The following LDB2 variants were observed in gnomAD, a reference collection of about 807,000 sequenced individuals.
The protein encoded by LDB2 is LIM domain binding 2, also known as LIM domain-binding protein 2.
Under a neutral mutation model 44.3 loss-of-function variants are expected in LDB2, and 12 were observed. The ratio of observed to expected loss-of-function variants is 0.27; its 90% CI spans 0.17 to 0.44. The LOEUF (loss-of-function observed/expected upper bound fraction) is 0.44, where lower values mean the gene tolerates loss of function less well. Among genes scored for constraint, LDB2 ranks in the 20% least tolerant of loss-of-function variants. The pLI is 1.00. For missense variants in LDB2, 344 were observed against 473.5 expected (o/e 0.73, Z 2.54); for synonymous variants, 164 against 174.8 (o/e 0.94, Z 0.49).
chr4:16,763,122 A>G (rs1192345139), intron 1 of LDB2, among the ~76,000 whole-genome samples: 1 of 134,334 alleles, frequency 7.4e-6, no homozygotes, highest in Non-Finnish European at 1.6e-5. Context: ...CACACACGTA[A>G]TTGGTTTTGG....
intron 1 of LDB2, among the ~76,000 whole-genome samples, chr4:16,871,069 A>G (rs1044097472): frequency 6.6e-6 from 1 of 152,214 alleles, no homozygotes; most frequent in Non-Finnish European, 1.5e-5. Flanking sequence ...ATTTTCAGAA[A>G]TTTTGTGAGA....
intron 2 of LDB2, among the ~76,000 whole-genome samples, chr4:16,599,216 G>C (rs1237748589): frequency 6.6e-6 from 1 of 152,166 alleles, no homozygotes. Context: ...CTGGGCTGAA[G>C]TCAGGTTGTC....
intron 2 of LDB2, among the ~76,000 whole-genome samples, chr4:16,632,204 A>C (rs1423834255): frequency 6.6e-6 from 1 of 152,234 alleles, no homozygotes; most frequent in Non-Finnish European, 1.5e-5. Context: ...GGGAAACTGA[A>C]TCCAGCAGCA....
chr4:16,644,000 G>T (rs1348056015), intron 2 of LDB2, among the ~76,000 whole-genome samples: 1 of 152,138 alleles, frequency 6.6e-6, no homozygotes, highest in African/African-American at 2.4e-5. Context: ...GCTGCTTCTT[G>T]AGTAATTGTT....
chr4:16,854,504 TACACAC>T (rs61445499), intron 1 of LDB2, among the ~76,000 whole-genome samples: 1,758 of 145,256 alleles, frequency 0.012, 26 homozygotes, highest in African/African-American at 0.035. Context: ...TAAATATAAA[TACACAC>T]ACACACACAC....
intron 1 of LDB2, among the ~76,000 whole-genome samples, chr4:16,834,432 C>T (rs1474657490): frequency 1.3e-5 from 2 of 152,136 alleles, no homozygotes; most frequent in African/African-American, 4.8e-5. Context: ...TAGGGGTTGT[C>T]CCCTTTACAT....
intron 1 of LDB2, among the ~76,000 whole-genome samples, chr4:16,875,768 C>T (rs1157536782): frequency 6.6e-6 from 1 of 152,174 alleles, no homozygotes; most frequent in African/African-American, 2.4e-5. Context: ...CAGGGACCAC[C>T]AGCCAAAGGC....
At chr4:16,766,466 ATATGTGTGTGTGTGTG>A (rs200368027) in intron 1 of LDB2, among the ~76,000 whole-genome samples, 15 of 61,202 alleles carry the variant, frequency 2.5e-4, no homozygotes, top group South Asian at 1.2e-3. Flanking sequence ...ACACACACAT[ATATGTGTGTGTGTGTG>A]TGTGTGTGTG....
chr4:16,771,960 G>C (rs1227027783), intron 1 of LDB2, among the ~76,000 whole-genome samples: 1 of 152,146 alleles, frequency 6.6e-6, no homozygotes, highest in Non-Finnish European at 1.5e-5. Flanking sequence ...TCACTCTCCT[G>C]TGTGGATGGG....
At chr4:16,685,911 G>A (rs1206868656) in intron 2 of LDB2, among the ~76,000 whole-genome samples, 2 of 152,112 alleles carry the variant, frequency 1.3e-5, no homozygotes, top group Admixed American at 6.6e-5. Context: ...AAGTAGTTGG[G>A]CATGGTGGTG....
At chr4:16,631,250 C>T (rs931074449) in intron 2 of LDB2, among the ~76,000 whole-genome samples, 9 of 152,196 alleles carry the variant, frequency 5.9e-5, no homozygotes, top group African/African-American at 2.2e-4. Context: ...GACCACAGTG[C>T]AATCAAAGTA....
chr4:16,651,641 C>T (rs1224782619), intron 2 of LDB2, among the ~76,000 whole-genome samples: 1 of 151,656 alleles, frequency 6.6e-6, no homozygotes, highest in African/African-American at 2.4e-5. Flanking sequence ...AGAGTTTTAC[C>T]CCAAATCATG....
rs1553889185 is a variant in LDB2 at position 16,542,106 on chromosome 4, G to GGA, written c.616-30003_616-30002insTC. ...CTTCCAATTACATCAGGTGGTGGGG[G>GGA]GGGGGGCGCGAGCAGGAGGGCATAA... On this transcript the variant is annotated intron_variant, in intron 5 of 7. Transcript: ENST00000304523. Among the ~76,000 whole-genome samples, 2 of 147,462 alleles carry GGA rather than the reference G, an allele frequency of 1.4e-5. 1 individual carries two copies. Among genetic ancestry groups the GGA allele is most frequent in the African/African-American group, 5.1e-5 (2 of 39,438 alleles).
At chr4:16,821,380 T>A (rs4698510) in intron 1 of LDB2, among the ~76,000 whole-genome samples, 2 of 13,390 alleles carry the variant, frequency 1.5e-4, no homozygotes, top group Admixed American at 2.8e-3. Flanking sequence ...ATTTGAATTT[T>A]TTTTTTATTT....
At chr4:16,597,906 A>C (rs780793744) in intron 2 of LDB2, among the ~76,000 whole-genome samples, 1 of 152,214 alleles carries the variant, frequency 6.6e-6, no homozygotes, top group Non-Finnish European at 1.5e-5. Context: ...AATACACTTA[A>C]AGAGAAACAC....
chr4:16,851,420 A>G (rs1055758233), intron 1 of LDB2, among the ~76,000 whole-genome samples: 3 of 151,970 alleles, frequency 2.0e-5, no homozygotes, highest in African/African-American at 7.2e-5. Flanking sequence ...ATCACAATAG[A>G]AAGTCTCTAC....
intron 2 of LDB2, among the ~76,000 whole-genome samples, chr4:16,747,055 T>C (rs1303745079): frequency 6.6e-6 from 1 of 152,194 alleles, no homozygotes; most frequent in Non-Finnish European, 1.5e-5. Context: ...ACAAGTCCCA[T>C]AACTAATGTC....
At chr4:16,507,327 A>G (rs534370587) in intron 7 of LDB2, 2 of 152,274 alleles carry the variant, frequency 1.3e-5, no homozygotes, top group East Asian at 1.9e-4. Flanking sequence ...AAGAGAAACA[A>G]TGGCCCAAGG....
chr4:16,789,247 G>A (rs1490338022), intron 1 of LDB2, among the ~76,000 whole-genome samples: 2 of 152,172 alleles, frequency 1.3e-5, no homozygotes, highest in East Asian at 3.9e-4. Flanking sequence ...GTGGGAGAGA[G>A]AAAATGGGGT....
Sources: gnomAD v4.1 joint callset for allele counts (sites outside exome capture counted in the v4.1 genomes callset) on GRCh38, gnomAD v4.1.1 for gene constraint, MANE v1.5 for transcripts, NCBI Gene and HGNC (gene_info 2026-07-23, HGNC 2026-07-21) for gene names.